The following MEP1B variants were observed in gnomAD, a reference collection of about 807,000 sequenced individuals.
MEP1B encodes the protein meprin A subunit beta, also known as N-benzoyl-L-tyrosyl-P-amino-benzoic acid hydrolase subunit beta.
In MEP1B, 80 loss-of-function variants were observed where a neutral mutation model predicts 84.6. The observed-to-expected ratio is 0.95, with a 90% CI of 0.79 to 1.14. MEP1B has a LOEUF of 1.14. Ranked by LOEUF, MEP1B falls within the 50% of genes most tolerant of loss-of-function variation. The pLI, the probability that MEP1B is intolerant of heterozygous loss-of-function variation, is 0.00. For synonymous variants in MEP1B, 273 were observed against 288.1 expected (o/e 0.95, Z 0.53); for missense variants, 766 against 855.1 (o/e 0.90, Z 1.30).
At chr18:32,195,299 G>T in intron 4 of MEP1B, 108 bp from the exon 5 acceptor site, 1 of 679,342 alleles carries the variant, frequency 1.5e-6, no homozygotes, top group Non-Finnish European at 2.6e-6. Context: ...CAATTTGTTT[G>T]TGCGAACTGG....
chr18:32,210,041 G>C (rs1053552043), intron 9 of MEP1B, among the ~76,000 whole-genome samples: 1 of 152,168 alleles, frequency 6.6e-6, no homozygotes, highest in African/African-American at 2.4e-5. Context: ...ACCCTCTGTA[G>C]CATCTTTGTC....
At position 32,213,101 on chromosome 18, in the gene MEP1B, A is replaced by G; in HGVS notation, c.1136-15A>G. On this transcript the variant is annotated splice_polypyrimidine_tract_variant and intron_variant, in intron 10 of 14. Transcript: ENST00000269202. ...GAACTTCTTTGTCTTTGAAATAATA[A>G]TGACTCTTTTGCAGAAATACCCACT... is the stretch of plus-strand genomic sequence containing the variant. The G allele has an allele frequency of 6.2e-7, 1 of 1,605,806 alleles. No homozygotes were observed. The highest frequency in any genetic ancestry group is 8.5e-7 in the Non-Finnish European group (1 of 1,173,478).
In MEP1B at chr18:32,204,280, A is replaced by T. The variant is rs966340351; in HGVS notation, c.467A>T (p.His156Leu). 6.2e-7 allele frequency: 1 copy of T among 1,603,664 alleles called. No homozygotes were observed. Among genetic ancestry groups the T allele is most frequent in the Non-Finnish European group, 8.5e-7 (1 of 1,175,418 alleles). ...RIATVQHEFL[H>L]ALGFWHEQSR... ...GCAACAGTTCAACACGAGTTCCTCC[A>T]CGCTCTGGGATTCTGGCATGAGCAG... The change falls in exon 7 of 15, where the codon CAC becomes CTC. Residue 156 changes from histidine (H) to leucine (L), a missense_variant. Coordinates refer to ENST00000269202, the MANE Select transcript of MEP1B (RefSeq NM_005925.3).
Position 32,196,515 on chromosome 18 carries a change from T to G in MEP1B, c.250+1030T>G, listed in dbSNP as rs534063850. 59 of 696,542 alleles carry G rather than the reference T, an allele frequency of 8.5e-5. 1 individual carries two copies. The highest frequency in any genetic ancestry group is 1.5e-4 in the Non-Finnish European group (56 of 378,856). 43.1% of individuals were successfully genotyped at this position (696,542 alleles called of 1,614,324 possible). ...GCTCTCATAGACCGAGGTGATGAGG[T>G]GGTGGCCAAGGGCCACCTTGAGAGC... On this transcript the variant is annotated intron_variant, in intron 5 of 14. Transcript: ENST00000269202. The surrounding 1 kb of genome is among the most constrained non-coding windows in gnomAD (Gnocchi z 4.4).
chr18:32,201,333 C>CACACAT (rs1555706243), intron 5 of MEP1B, among the ~76,000 whole-genome samples: 3 of 151,214 alleles, frequency 2.0e-5, no homozygotes, highest in African/African-American at 4.9e-5. Flanking sequence ...CACACACACA[C>CACACAT]GGCATACTAT....
chr18:32,197,322 T>G (rs1249881841), intron 5 of MEP1B, among the ~76,000 whole-genome samples: 2 of 152,322 alleles, frequency 1.3e-5, no homozygotes, highest in East Asian at 3.9e-4. Flanking sequence ...TGACCAGCAT[T>G]AGCTTAGAAA....
At chr18:32,217,315 T>A (rs982354375) in intron 13 of MEP1B, among the ~76,000 whole-genome samples, 198 bp downstream of exon 13, 1 of 152,072 alleles carries the variant, frequency 6.6e-6, no homozygotes, top group African/African-American at 2.4e-5. Flanking sequence ...GCCAACACAA[T>A]TTTTTTATGA....
rs1424454658 is a variant in MEP1B, at chr18:32,207,469, CTGTA to C, written c.766+3_766+6del. 2 of 1,592,228 alleles carry C rather than the reference CTGTA, an allele frequency of 1.3e-6. No homozygotes were observed. The highest frequency in any genetic ancestry group is 2.2e-5 in the South Asian group (2 of 89,558). On this transcript the variant is annotated splice_donor_variant and splice_donor_region_variant and coding_sequence_variant and intron_variant, in exon 8 of 15. Coordinates refer to ENST00000269202, the MANE Select transcript of MEP1B (RefSeq NM_005925.3). LOFTEE classifies it high-confidence loss of function. ...TAAAGTTGAATCAACTGTATAACTGCTGTATGTGACAGGTTCTTTGAAATGACTT... is the reference window on the plus strand; with the variant it reads ...TAAAGTTGAATCAACTGTATAACTGCTGTGACAGGTTCTTTGAAATGACTT...
chr18:32,201,571 A>T (rs1266181400), intron 5 of MEP1B, among the ~76,000 whole-genome samples: 8 of 152,222 alleles, frequency 5.3e-5, no homozygotes. Flanking sequence ...TTAGTGAAAA[A>T]ATAGTTGGTA....
rs144259810 is a variant in MEP1B at position 32,196,648 on chromosome 18, C to T, written c.250+1163C>T. The T allele has an allele frequency of 7.0e-5, 48 of 689,666 alleles. No individual in the cohort carries two copies. The highest frequency in any genetic ancestry group is 1.4e-4 in the Admixed American group (7 of 50,918). The allele number at this position is 689,666 out of a possible 1,614,324, so 42.7% of individuals were successfully genotyped here. On this transcript the variant is annotated intron_variant, in intron 5 of 14. Transcript: ENST00000269202. This position sits in a 1 kb window ranked among gnomAD's most constrained non-coding sequence, Gnocchi z 4.4. ...AGCACCCGCCTGATGTTGTCCAGCA[C>T]GCCACCTCGGGGTGTCTTCCCCAAG...
chr18:32,193,514 TAGAG>T (rs2040823110), intron 4 of MEP1B, among the ~76,000 whole-genome samples: 1 of 152,184 alleles, frequency 6.6e-6, no homozygotes, highest in East Asian at 1.9e-4. Context: ...TTGGTGATGA[TAGAG>T]AGAAACTAGG....
At chr18:32,211,838 C>T (rs1168492812) in intron 10 of MEP1B, among the ~76,000 whole-genome samples, 2 of 151,974 alleles carry the variant, frequency 1.3e-5, no homozygotes, top group Admixed American at 1.3e-4. Context: ...TCAATTTGTT[C>T]CACAATTGGA....
chr18:32,210,542 G>A lies in MEP1B; in HGVS notation c.961G>A (p.Val321Met), dbSNP rs755855304. 6.2e-7 allele frequency: 1 copy of A among 1,613,886 alleles called. No homozygotes were observed. The highest frequency in any genetic ancestry group is 8.5e-7 in the Non-Finnish European group (1 of 1,179,890). ...GCATTTCGATAGCAGCTCTGTAAAT[G>A]TGGGGGCCACAGCAGTGCTGGAAAG... ...FMHFDSSSVNVGATAVLESRT... is the reference protein window; with the variant it reads ...FMHFDSSSVNMGATAVLESRT... The change falls in exon 10 of 15, where the codon GTG becomes ATG. Residue 321 changes from valine (V) to methionine (M), a missense_variant. Transcript: ENST00000269202.
intron 14 of MEP1B, 22 bp downstream of exon 14, chr18:32,217,987 A>T (rs2041111675): frequency 5.0e-6 from 8 of 1,609,582 alleles, no homozygotes; most frequent in Non-Finnish European, 6.8e-6. Flanking sequence ...CTGATGTTTG[A>T]TTATTCATAA....
rs1420022466 is a variant in MEP1B at position 32,191,836 on chromosome 18, CTT to C, written c.80_81del (p.Phe27Ter). On this transcript the variant is annotated frameshift_variant and splice_region_variant, in exon 2 of 15. Transcript: ENST00000269202. LOFTEE classifies it high-confidence loss of function. ...TTATTTCCCAGGCAACTCCAGAAAA[CTT>C]TGGTGAGTCTATTTTGAGTTTTGTT... ...VISGLATPEN[F>X]DVDGGMDQDI... 1 of 1,538,002 alleles carries C rather than the reference CTT, an allele frequency of 6.5e-7. No homozygotes were observed. The highest frequency in any genetic ancestry group is 8.8e-7 in the Non-Finnish European group (1 of 1,130,568).
rs2040806224 is a variant in MEP1B, at chr18:32,191,985, G to T, written c.82+145G>T. ...TACTGGATTCTTTTGATTTATGGAG[G>T]GACATTTTATTGTCCATGTTCCAGG... On this transcript the variant is annotated intron_variant, in intron 2 of 14. Transcript: ENST00000269202. 3 of 579,998 alleles carry T rather than the reference G, an allele frequency of 5.2e-6. No homozygotes were observed. The South Asian group carries it at 7.0e-5, about 14-fold the overall frequency. 35.9% of individuals were successfully genotyped at this position (579,998 alleles called of 1,614,324 possible).
At chr18:32,216,643 T>G (rs576818995) in intron 12 of MEP1B, among the ~76,000 whole-genome samples, 1 of 152,334 alleles carries the variant, frequency 6.6e-6, no homozygotes, top group East Asian at 1.9e-4. Flanking sequence ...AGTTTCCCTT[T>G]GCCTAGTTCT....
chr18:32,206,758 C>T (rs921187137), intron 7 of MEP1B, among the ~76,000 whole-genome samples: 5 of 152,000 alleles, frequency 3.3e-5, no homozygotes, highest in African/African-American at 4.8e-5. Flanking sequence ...ATTATAGGTG[C>T]GCACCACCAC....
intron 5 of MEP1B, among the ~76,000 whole-genome samples, chr18:32,202,384 T>C (rs997478225): frequency 5.3e-5 from 8 of 152,180 alleles, no homozygotes; most frequent in Non-Finnish European, 1.0e-4. Flanking sequence ...CTGAACTCAC[T>C]TGCAGACCTC....
Sources: allele counts gnomAD v4.1 joint callset (sites outside exome capture counted in the v4.1 genomes callset), GRCh38; gene constraint gnomAD v4.1.1; non-coding constraint Gnocchi (gnomAD v3.1); transcripts MANE v1.5; gene names NCBI Gene and HGNC (gene_info 2026-07-23, HGNC 2026-07-21).